The following ANO2 variants were observed in gnomAD, a reference collection of about 807,000 sequenced individuals.
ANO2 encodes anoctamin-2.
ANO2 carries 101 observed loss-of-function variants against 124.2 expected under a neutral mutation model. The ratio of observed to expected loss-of-function variants is 0.81; its 90% CI spans 0.69 to 0.96. The LOEUF (loss-of-function observed/expected upper bound fraction) is 0.96. Ranked by LOEUF, ANO2 falls within the 40% of genes least tolerant of loss-of-function variation. The probability of loss-of-function intolerance (pLI) is 0.00; values close to 1 mark genes in which losing one functional copy is unlikely to be tolerated. For missense variants in ANO2, 1,293 were observed against 1,274.5 expected, an observed-to-expected ratio of 1.01 and a Z score of -0.22; for synonymous variants, 486 against 482.5, an observed-to-expected ratio of 1.01 and a Z score of -0.09.
At chr12:5,697,475 G>C (rs1369825868) in intron 14 of ANO2, among the ~76,000 whole-genome samples, 1 of 152,028 alleles carries the variant, frequency 6.6e-6, no homozygotes, top group Non-Finnish European at 1.5e-5. Context: ...AAAAAATAGA[G>C]GTTCCAAGAT....
chr12:5,619,772 T>C (rs192932613), intron 16 of ANO2, among the ~76,000 whole-genome samples: 3 of 152,014 alleles, frequency 2.0e-5, no homozygotes, highest in Admixed American at 1.3e-4. Flanking sequence ...AAGCAAGAAC[T>C]AAATATTGGA....
chr12:5,837,339 T>TTTTTTTTTTTTTTTTTTTG (rs1954360125), intron 4 of ANO2, among the ~76,000 whole-genome samples: 1 of 5,998 alleles, frequency 1.7e-4, no homozygotes. Context: ...TTTTTTTTTT[T>TTTTTTTTTTTTTTTTTTTG]AAATTATACT....
chr12:5,930,875 A>T (rs1026498437), intron 1 of ANO2, among the ~76,000 whole-genome samples: 62 of 151,954 alleles, frequency 4.1e-4, no homozygotes, highest in African/African-American at 1.4e-3. Flanking sequence ...CACACATAAA[A>T]TCCATTTGCA....
At chr12:5,726,880 G>A (rs939199217) in intron 14 of ANO2, among the ~76,000 whole-genome samples, 2 of 152,220 alleles carry the variant, frequency 1.3e-5, no homozygotes, top group Admixed American at 6.5e-5. Flanking sequence ...TGGAGAGGCT[G>A]TGTAATCTAA....
intron 14 of ANO2, among the ~76,000 whole-genome samples, chr12:5,714,639 C>T (rs1011005477): frequency 1.3e-5 from 2 of 152,176 alleles, no homozygotes; most frequent in African/African-American, 4.8e-5. Flanking sequence ...CTTTCTCCTC[C>T]TATTCTTTCT....
rs1945935983 is a variant in ANO2 at position 5,635,107 on chromosome 12, C to T, written c.1816+45G>A. ...TCACCAAAAGCCTTGCACGCATTGA[C>T]TTAAAGAGGGCCTAGGACAGCCAGA... On this transcript the variant is annotated intron_variant, in intron 16 of 24. Coordinates refer to ENST00000682330, the MANE Select transcript of ANO2 (RefSeq NM_001364791.2). The surrounding 1 kb of genome is among the most constrained non-coding windows in gnomAD (Gnocchi z 5.2). The T allele has an allele frequency of 6.7e-7, 1 of 1,492,044 alleles. No homozygotes were observed. The allele number at this position is 1,492,044 out of a possible 1,614,324, so 92.4% of individuals were successfully genotyped here. A position where few individuals can be genotyped will look rare whatever the true frequency, so the allele number is the denominator to read the frequency against.
chr12:5,567,717 AC>A (rs1386896271), intron 23 of ANO2, among the ~76,000 whole-genome samples: 1 of 152,154 alleles, frequency 6.6e-6, no homozygotes, highest in African/African-American at 2.4e-5. Context: ...TCTGCTATTA[AC>A]TCACCCCAGC....
At chr12:5,776,750 T>C (rs1173373683) in intron 10 of ANO2, among the ~76,000 whole-genome samples, 1 of 152,242 alleles carries the variant, frequency 6.6e-6, no homozygotes, top group Non-Finnish European at 1.5e-5. Flanking sequence ...CCTTTGATCT[T>C]AGATACAGTC....
rs149772720 is a variant in ANO2 at position 5,621,039 on chromosome 12, A to C, written c.1817-5742T>G. On this transcript the variant is annotated intron_variant, in intron 16 of 24. Transcript: ENST00000682330. The stretch of plus-strand genomic sequence containing the variant: ...CCTGATTCTCATTCCCCTTAACTAC[A>C]GGAGACAATTCTGAGGCCCAGTGGA... Among the ~76,000 whole-genome samples, 800 of 152,186 alleles carry C rather than the reference A, an allele frequency of 5.3e-3. 9 individuals carry two copies. The highest frequency in any genetic ancestry group is 0.019 in the African/African-American group (771 of 41,500).
At chr12:5,846,327 G>A (rs1480156241) in intron 4 of ANO2, among the ~76,000 whole-genome samples, 3 of 152,162 alleles carry the variant, frequency 2.0e-5, no homozygotes, top group South Asian at 2.1e-4. Flanking sequence ...CCAAGGTCAC[G>A]TAGGAAGATC....
chr12:5,879,662 T>A (rs537519218), intron 3 of ANO2, among the ~76,000 whole-genome samples: 1 of 152,190 alleles, frequency 6.6e-6, no homozygotes, highest in Admixed American at 6.5e-5. Context: ...AAGACCAACA[T>A]ATTAAGAGAA....
chr12:5,892,405 G>A (rs1373045051), intron 3 of ANO2, among the ~76,000 whole-genome samples: 2 of 152,006 alleles, frequency 1.3e-5, no homozygotes, highest in East Asian at 3.8e-4. Flanking sequence ...TTTGGTGAGA[G>A]GTATAAACCA....
intron 24 of ANO2, among the ~76,000 whole-genome samples, chr12:5,564,869 A>G (rs893215179): frequency 6.6e-6 from 1 of 152,278 alleles, no homozygotes; most frequent in East Asian, 1.9e-4. Flanking sequence ...CCCCCCAGAG[A>G]TCTGCCTTCA....
At chr12:5,922,573 C>A in intron 2 of ANO2, 47 bp downstream of exon 2, 1 of 1,494,858 alleles carries the variant, frequency 6.7e-7, no homozygotes, top group Non-Finnish European at 8.9e-7. Context: ...TGGTGGCCTG[C>A]AACAGGGCTG....
intron 14 of ANO2, among the ~76,000 whole-genome samples, chr12:5,731,468 T>C (rs1465032976): frequency 2.0e-5 from 3 of 152,108 alleles, no homozygotes; most frequent in Non-Finnish European, 4.4e-5. Flanking sequence ...ACTTAAAGAA[T>C]GTGAAATGAA....
chr12:5,575,044 C>CT (rs2136835540), intron 23 of ANO2, among the ~76,000 whole-genome samples: 1 of 152,298 alleles, frequency 6.6e-6, no homozygotes, highest in Non-Finnish European at 1.5e-5. Flanking sequence ...CACCCCATGA[C>CT]TTTGCCCATG....
intron 11 of ANO2, among the ~76,000 whole-genome samples, chr12:5,745,006 A>G (rs1223630235): frequency 6.6e-6 from 1 of 152,260 alleles, no homozygotes; most frequent in African/African-American, 2.4e-5. Flanking sequence ...TCCAAGATCT[A>G]GATTCTTTGA....
chr12:5,926,247 C>T (rs1942073003), intron 1 of ANO2, among the ~76,000 whole-genome samples: 1 of 152,206 alleles, frequency 6.6e-6, no homozygotes, highest in Non-Finnish European at 1.5e-5. Flanking sequence ...CTGTTCTTCA[C>T]CCTTCCATGA....
chr12:5,880,966 A>C (rs1196180565), intron 3 of ANO2, among the ~76,000 whole-genome samples: 2 of 151,378 alleles, frequency 1.3e-5, no homozygotes, highest in Non-Finnish European at 2.9e-5. Flanking sequence ...ATGGAAGCGC[A>C]ACTATATTGG....
Sources: allele counts gnomAD v4.1 joint callset (sites outside exome capture counted in the v4.1 genomes callset), GRCh38; gene constraint gnomAD v4.1.1; non-coding constraint Gnocchi (gnomAD v3.1); transcripts MANE v1.5; gene names NCBI Gene and HGNC (gene_info 2026-07-23, HGNC 2026-07-21).